AGBL1: variants seen among roughly 807,000 people sequenced by gnomAD.
AGBL1 encodes the protein AGBL carboxypeptidase 1, also known as cytosolic carboxypeptidase 4.
In AGBL1, 130 loss-of-function variants were observed where a neutral mutation model predicts 118.9. The ratio of observed to expected loss-of-function variants is 1.09; its 90% CI spans 0.95 to 1.26. AGBL1 has a LOEUF of 1.26. AGBL1 is among the 50% of genes most tolerant of loss of function. The pLI is 0.00. For synonymous variants in AGBL1, 555 were observed against 478.9 expected (o/e 1.16, Z -2.08); for missense variants, 1,584 against 1,298.1 (o/e 1.22, Z -3.38).
At chr15:86,846,255 TGAA>T (rs2079315953) in intron 22 of AGBL1, among the ~76,000 whole-genome samples, 1 of 152,234 alleles carries the variant, frequency 6.6e-6, no homozygotes, top group Non-Finnish European at 1.5e-5. Flanking sequence ...TTTTCATTTT[TGAA>T]GGATAGTGTT....
intron 22 of AGBL1, among the ~76,000 whole-genome samples, chr15:86,807,234 A>G (rs540733886): frequency 8.5e-4 from 130 of 152,288 alleles, no homozygotes; most frequent in Non-Finnish European, 1.4e-3. Context: ...CCTTGCAAAT[A>G]GACAGCCAGG....
intron 9 of AGBL1, among the ~76,000 whole-genome samples, chr15:86,260,510 C>G (rs1442074473): frequency 1.3e-5 from 2 of 152,104 alleles, no homozygotes; most frequent in African/African-American, 4.8e-5. Flanking sequence ...TGAATTCAAG[C>G]TCTCCCTTCC....
At chr15:86,720,877 A>G (rs868012302) in intron 22 of AGBL1, among the ~76,000 whole-genome samples, 87 of 152,322 alleles carry the variant, frequency 5.7e-4, no homozygotes, top group African/African-American at 1.9e-3. Context: ...ACACCTCTAC[A>G]CAAATAAACT....
At chr15:86,702,053 C>A (rs1288962366) in intron 22 of AGBL1, among the ~76,000 whole-genome samples, 1 of 151,316 alleles carries the variant, frequency 6.6e-6, no homozygotes, top group Admixed American at 6.6e-5. Context: ...CTCCCCTTCC[C>A]TTGTGGTTGA....
At chr15:86,527,009 A>C (rs545626681) in intron 19 of AGBL1, among the ~76,000 whole-genome samples, 1 of 152,316 alleles carries the variant, frequency 6.6e-6, no homozygotes, top group South Asian at 2.1e-4. Flanking sequence ...AGTTAAAACA[A>C]GAATACTGGT....
chr15:86,747,087 A>G (rs976868521), intron 22 of AGBL1, among the ~76,000 whole-genome samples: 1 of 151,992 alleles, frequency 6.6e-6, no homozygotes, highest in Non-Finnish European at 1.5e-5. Flanking sequence ...CCCCGAGCAT[A>G]TGCACCCCAG....
rs2082015603 is a variant in AGBL1 at position 86,437,722 on chromosome 15, C to T, written c.2555+40176C>T. Reference sequence around the variant, plus strand: ...GGCTTTAAAAAGTGCCAATCCTACCCTTATGAGCTCCCAGTCTCTTCATCT... The same window carrying T: ...GGCTTTAAAAAGTGCCAATCCTACCTTTATGAGCTCCCAGTCTCTTCATCT... On this transcript the variant is annotated intron_variant, in intron 18 of 22. Coordinates refer to ENST00000614907, the MANE Select transcript of AGBL1 (RefSeq NM_001386094.1). 2.6e-5 allele frequency among the ~76,000 whole-genome samples: 4 copies of T among 152,230 alleles called. No homozygotes were observed. The South Asian group carries it at 8.3e-4, about 32-fold the overall frequency.
At chr15:86,358,108 A>G (rs1462520312) in intron 17 of AGBL1, among the ~76,000 whole-genome samples, 5 of 152,118 alleles carry the variant, frequency 3.3e-5, no homozygotes, top group Non-Finnish European at 7.4e-5. Context: ...TATGGTCAGC[A>G]TGCTGTACAG....
At chr15:86,974,042 T>C (rs55852749) in intron 23 of AGBL1, among the ~76,000 whole-genome samples, 6 of 121,836 alleles carry the variant, frequency 4.9e-5, no homozygotes, top group African/African-American at 1.5e-4. Flanking sequence ...ACATATTTAA[T>C]ATATTAAATA....
intron 22 of AGBL1, among the ~76,000 whole-genome samples, chr15:86,902,819 C>T (rs184948035): frequency 5.3e-5 from 8 of 152,188 alleles, no homozygotes; most frequent in African/African-American, 1.2e-4. Flanking sequence ...AAGTTTCTCC[C>T]ACAGCTTTCA....
At position 86,178,428 on chromosome 15, in the gene AGBL1, C is replaced by A. The variant is rs548255505; in HGVS notation, c.488+19402C>A. ...AATTCCTACAATTTCTGTAGATATG[C>A]AAAGGATAACAAGGAAATACTACGA... is the stretch of plus-strand genomic sequence containing the variant. On this transcript the variant is annotated intron_variant, in intron 5 of 22. Transcript: ENST00000614907. Among the ~76,000 whole-genome samples, 219 of 152,244 alleles carry A rather than the reference C, an allele frequency of 1.4e-3. 1 individual carries two copies. Among genetic ancestry groups the A allele is most frequent in the African/African-American group, 5.1e-3 (211 of 41,560 alleles).
At chr15:86,440,691 C>G (rs1392071572) in intron 18 of AGBL1, among the ~76,000 whole-genome samples, 6 of 152,018 alleles carry the variant, frequency 3.9e-5, no homozygotes, top group African/African-American at 7.2e-5. Context: ...AGCTTTAACC[C>G]AAGGTAGAGT....
chr15:86,559,123 C>T (rs1388564894), intron 21 of AGBL1, among the ~76,000 whole-genome samples: 2 of 152,158 alleles, frequency 1.3e-5, no homozygotes, highest in Admixed American at 1.3e-4. Context: ...GAACCTCTAT[C>T]TCTGTGTCTC....
chr15:86,537,027 G>T (rs1247513151), intron 19 of AGBL1, among the ~76,000 whole-genome samples: 1 of 152,212 alleles, frequency 6.6e-6, no homozygotes, highest in Non-Finnish European at 1.5e-5. Context: ...CAGACAGTGA[G>T]GGTTGCCCAG....
intron 5 of AGBL1, among the ~76,000 whole-genome samples, chr15:86,211,287 A>T (rs1597559805): frequency 6.6e-6 from 1 of 152,206 alleles, no homozygotes; most frequent in Admixed American, 6.5e-5. Flanking sequence ...TAGGCTACAC[A>T]GGGGTCAGGG....
At chr15:86,080,053 C>T (rs1382710963) in intron 1 of AGBL1, 30 bp downstream of exon 1, 42 of 1,231,754 alleles carry the variant, frequency 3.4e-5, no homozygotes, top group East Asian at 6.3e-5. Context: ...GTGCAGAACC[C>T]GGCGGGCTGG....
intron 17 of AGBL1, among the ~76,000 whole-genome samples, chr15:86,340,298 C>A (rs1011675295): frequency 6.6e-6 from 1 of 151,666 alleles, no homozygotes; most frequent in African/African-American, 2.4e-5. Context: ...TCCACTGCCC[C>A]CCCCCCATTC....
At chr15:86,592,978 T>A (rs777062933) in intron 21 of AGBL1, among the ~76,000 whole-genome samples, 115 of 152,274 alleles carry the variant, frequency 7.6e-4, no homozygotes, top group Non-Finnish European at 1.2e-3. Flanking sequence ...TCATCGTTAC[T>A]TCATATTTAC....
chr15:86,186,385 C>A (rs957965950), intron 5 of AGBL1, among the ~76,000 whole-genome samples: 1 of 152,146 alleles, frequency 6.6e-6, no homozygotes, highest in Non-Finnish European at 1.5e-5. Context: ...TTGAAGAAAT[C>A]AAAAAGAGAA....
Sources: allele counts gnomAD v4.1 joint callset (sites outside exome capture counted in the v4.1 genomes callset), GRCh38; gene constraint gnomAD v4.1.1; transcripts MANE v1.5; gene names NCBI Gene and HGNC (gene_info 2026-07-23, HGNC 2026-07-21).